CYP7B1: variants seen among roughly 807,000 people sequenced by gnomAD.
The protein encoded by CYP7B1 is cytochrome P450 7B1.
CYP7B1 carries 29 observed loss-of-function variants against 42.7 expected under a neutral mutation model. That is an observed-to-expected ratio of 0.68 (90% CI 0.51 to 0.93). The LOEUF is 0.93. CYP7B1 is among the 40% of genes least tolerant of loss of function. CYP7B1 has a pLI of 0.00. For synonymous variants in CYP7B1, 235 were observed against 218.2 expected (o/e 1.08, Z -0.68); for missense variants, 655 against 600.5 (o/e 1.09, Z -0.95).
chr8:64,769,231 G>A (rs1692010764), intron 1 of CYP7B1, among the ~76,000 whole-genome samples: 1 of 152,058 alleles, frequency 6.6e-6, no homozygotes, highest in African/African-American at 2.4e-5. Flanking sequence ...GGAACGGGAT[G>A]GCACCATGCC....
intron 1 of CYP7B1, among the ~76,000 whole-genome samples, chr8:64,673,637 G>A (rs1308480525): frequency 6.6e-6 from 1 of 152,112 alleles, no homozygotes; most frequent in Admixed American, 6.5e-5. Flanking sequence ...ATGACCTGCA[G>A]GTAATTCATG....
chr8:64,746,983 C>A (rs922240628), intron 1 of CYP7B1, among the ~76,000 whole-genome samples: 4 of 151,196 alleles, frequency 2.6e-5, no homozygotes, highest in African/African-American at 9.7e-5. Context: ...AAAATAAATT[C>A]TATGTTATTG....
At chr8:64,682,632 A>C (rs186214434) in intron 1 of CYP7B1, among the ~76,000 whole-genome samples, 252 of 152,250 alleles carry the variant, frequency 1.7e-3, no homozygotes, top group Non-Finnish European at 2.8e-3. Flanking sequence ...CCACCTTTCC[A>C]GTATCTCTGA....
intron 1 of CYP7B1, among the ~76,000 whole-genome samples, chr8:64,683,832 CA>C (rs1444269504): frequency 6.6e-6 from 1 of 152,056 alleles, no homozygotes; most frequent in Non-Finnish European, 1.5e-5. Context: ...TACACCTTGC[CA>C]GTCACGCTGT....
chr8:64,770,646 G>A (rs1342702648), intron 1 of CYP7B1, among the ~76,000 whole-genome samples: 1 of 152,120 alleles, frequency 6.6e-6, no homozygotes, highest in Non-Finnish European at 1.5e-5. Context: ...AAAAACCCAA[G>A]GATGAGCTCC....
chr8:64,688,644 G>A (rs1212125592), intron 1 of CYP7B1, among the ~76,000 whole-genome samples: 1 of 152,198 alleles, frequency 6.6e-6, no homozygotes, highest in Non-Finnish European at 1.5e-5. Flanking sequence ...TTGATTTAGG[G>A]CCAGGTGCAG....
chr8:64,592,317 T>C lies in CYP7B1; in HGVS notation c.*4325A>G, dbSNP rs1426936579. Among the ~76,000 whole-genome samples the C allele has an allele frequency of 6.6e-6, 1 of 152,240 alleles. No homozygotes were observed. The highest frequency in any genetic ancestry group is 6.5e-5 in the Admixed American group (1 of 15,286). On this transcript the variant is annotated 3_prime_UTR_variant, in exon 6 of 6. Transcript: ENST00000310193. Reference sequence around the variant, plus strand: ...TTGTATATATTTTTATTGTGTATAATTATACATAGTGATTTCTCATTACAG... The same window carrying C: ...TTGTATATATTTTTATTGTGTATAACTATACATAGTGATTTCTCATTACAG...
chr8:64,599,133 C>A (rs904765036), intron 5 of CYP7B1, among the ~76,000 whole-genome samples: 3 of 152,086 alleles, frequency 2.0e-5, no homozygotes, highest in Non-Finnish European at 4.4e-5. Flanking sequence ...CAAGATGTAT[C>A]CATTCATTTG....
At chr8:64,644,543 T>C (rs1376760023) in intron 1 of CYP7B1, among the ~76,000 whole-genome samples, 3 of 152,178 alleles carry the variant, frequency 2.0e-5, no homozygotes, top group Non-Finnish European at 4.4e-5. Context: ...TTGTAGCCAA[T>C]ACAAAAACAT....
chr8:64,615,654 T>C lies in CYP7B1; in HGVS notation c.850+37A>G, dbSNP rs201103162. The C allele has an allele frequency of 7.5e-6, 12 of 1,592,842 alleles. No individual in the cohort carries two copies. In the East Asian group the frequency reaches 2.7e-4, roughly 36 times the overall value. Reference sequence around the variant, plus strand: ...TATTTCAGAGGTCTATTGTAAATGATTTTATTTTAGGCAAGTGCTCATTCA... The same window carrying C: ...TATTTCAGAGGTCTATTGTAAATGACTTTATTTTAGGCAAGTGCTCATTCA... On this transcript the variant is annotated intron_variant, in intron 3 of 5. Transcript: ENST00000310193.
At chr8:64,760,948 CTAAG>C (rs1430627758) in intron 1 of CYP7B1, among the ~76,000 whole-genome samples, 6 of 152,108 alleles carry the variant, frequency 3.9e-5, no homozygotes, top group Non-Finnish European at 8.8e-5. Context: ...TGGAAATAAC[CTAAG>C]TGTCTGTCAA....
chr8:64,593,020 T>C lies in CYP7B1; in HGVS notation c.*3622A>G, dbSNP rs1805059483. Among the ~76,000 whole-genome samples, 1 of 152,228 alleles carries C rather than the reference T, an allele frequency of 6.6e-6. No individual in the cohort carries two copies. Among genetic ancestry groups the C allele is most frequent in the African/African-American group, 2.4e-5 (1 of 41,458 alleles). On this transcript the variant is annotated 3_prime_UTR_variant, in exon 6 of 6. Transcript: ENST00000310193. ...ATTTCATTTATCCTTACTTTCCATTTCTAAATTCCTGTACACATTTCCAGT... is the reference window on the plus strand; with the variant it reads ...ATTTCATTTATCCTTACTTTCCATTCCTAAATTCCTGTACACATTTCCAGT...
At chr8:64,588,329 T>C (rs541590803), downstream of CYP7B1, among the ~76,000 whole-genome samples, 11 of 152,328 alleles carry the variant, frequency 7.2e-5, no homozygotes, top group African/African-American at 2.2e-4. Context: ...AATGCTAAAA[T>C]GGTATCACTG....
intron 1 of CYP7B1, among the ~76,000 whole-genome samples, chr8:64,744,607 C>T (rs1171244737): frequency 6.6e-6 from 1 of 152,130 alleles, no homozygotes; most frequent in Admixed American, 6.6e-5. Context: ...AAAGTCTTAT[C>T]CTGGCCCCTT....
chr8:64,712,141 C>T (rs1304701631), intron 1 of CYP7B1, among the ~76,000 whole-genome samples: 4 of 152,172 alleles, frequency 2.6e-5, no homozygotes, highest in African/African-American at 9.6e-5. Flanking sequence ...GTAGTTGTAG[C>T]TCATAGCCTG....
chr8:64,795,741 C>T (rs941400822), intron 1 of CYP7B1, among the ~76,000 whole-genome samples: 7 of 152,212 alleles, frequency 4.6e-5, no homozygotes, highest in African/African-American at 1.4e-4. Context: ...CTGATTCTAA[C>T]CACCTTCCAT....
At chr8:64,756,888 A>G (rs1476833880) in intron 1 of CYP7B1, among the ~76,000 whole-genome samples, 1 of 152,186 alleles carries the variant, frequency 6.6e-6, no homozygotes, top group African/African-American at 2.4e-5. Flanking sequence ...AAGAACTTTC[A>G]TCTTCAGTTT....
chr8:64,692,037 G>GA (rs993111585), intron 1 of CYP7B1, among the ~76,000 whole-genome samples: 7 of 151,860 alleles, frequency 4.6e-5, no homozygotes, highest in African/African-American at 4.8e-5. Flanking sequence ...AACATTATTA[G>GA]AAAAAAAACT....
At chr8:64,737,262 C>T (rs541533414) in intron 1 of CYP7B1, among the ~76,000 whole-genome samples, 2 of 152,294 alleles carry the variant, frequency 1.3e-5, no homozygotes, top group African/African-American at 2.4e-5. Context: ...GCCACCATGC[C>T]TGGCTCCATT....
Sources: gnomAD v4.1 joint callset for allele counts (sites outside exome capture counted in the v4.1 genomes callset) on GRCh38, gnomAD v4.1.1 for gene constraint, MANE v1.5 for transcripts, NCBI Gene and HGNC (gene_info 2026-07-23, HGNC 2026-07-21) for gene names.